The following SPRR2G variants were observed in gnomAD, a reference collection of about 807,000 sequenced individuals.
SPRR2G encodes small proline-rich protein 2G.
A neutral mutation model predicts 0.7 loss-of-function variants in SPRR2G; 1 was observed. That is an observed-to-expected ratio of 1.49 (90% CI 0.53 to 7.06). The LOEUF is 7.06. SPRR2G is among the 30% of genes most tolerant of loss of function. The pLI is 0.14. For missense variants in SPRR2G, 96 were observed against 88.5 expected (o/e 1.09, Z -0.34); for synonymous variants, 38 against 33.9 (o/e 1.12, Z -0.42).
chr1:153,187,105 C>T, the SPRR2G span, among the ~76,000 whole-genome samples: 1 of 152,110 alleles, frequency 6.6e-6, no homozygotes, highest in African/African-American at 2.4e-5. Context: ...GGTAACCTGA[C>T]CTTTCTCTCT....
the SPRR2G span, among the ~76,000 whole-genome samples, chr1:153,166,306 G>T: frequency 6.6e-6 from 1 of 152,188 alleles, no homozygotes; most frequent in African/African-American, 2.4e-5. Context: ...GATTATAGTA[G>T]AGGGGAATGA....
the SPRR2G span, among the ~76,000 whole-genome samples, chr1:153,158,853 A>G: frequency 6.6e-6 from 1 of 152,218 alleles, no homozygotes; most frequent in Admixed American, 6.5e-5. Context: ...GGAAGCTGCC[A>G]AGGTTTCAGA....
the SPRR2G span, among the ~76,000 whole-genome samples, chr1:153,201,129 C>A: frequency 2.0e-5 from 3 of 152,190 alleles, no homozygotes; most frequent in African/African-American, 7.2e-5. Context: ...GCCTAAGAAG[C>A]CTGTTCTGTG....
the SPRR2G span, among the ~76,000 whole-genome samples, chr1:153,171,622 T>C: frequency 1.3e-5 from 2 of 152,182 alleles, no homozygotes; most frequent in South Asian, 4.1e-4. Flanking sequence ...GGCTTGGGTA[T>C]CATGCACCAA....
rs1409502289 is a variant in SPRR2G at position 153,149,990 on chromosome 1, A to G, written c.121T>C (p.Cys41Arg). The change falls in exon 2 of 2, where the codon TGT becomes CGT. Residue 41 changes from cysteine to arginine, a missense_variant. By Grantham distance (180) the Cys-to-Arg change is radical. Transcript: ENST00000368748. ...GGAGGTGGGCAATGCTCAGGTGGAC[A>G]AGGAGGAGGCAGGTAAGGCTCAGGG... ...KCPEPYLPPP[C>R]PPEHCPPPPC... The G allele has an allele frequency of 6.2e-7, 1 of 1,614,036 alleles. No individual in the cohort carries two copies. The highest frequency in any genetic ancestry group is 1.1e-5 in the South Asian group (1 of 91,078).
chr1:153,168,953 T>C, the SPRR2G span, among the ~76,000 whole-genome samples: 2 of 148,402 alleles, frequency 1.3e-5, no homozygotes, highest in African/African-American at 5.0e-5. Flanking sequence ...TTTGGCATGT[T>C]AGATCATCAA....
chr1:153,194,118 C>G, the SPRR2G span, among the ~76,000 whole-genome samples: 1 of 152,074 alleles, frequency 6.6e-6, no homozygotes, highest in East Asian at 1.9e-4. Context: ...GAATTTTACT[C>G]TTTCTGATGT....
the SPRR2G span, among the ~76,000 whole-genome samples, chr1:153,182,862 T>C: frequency 9.2e-5 from 14 of 152,118 alleles, no homozygotes; most frequent in Non-Finnish European, 1.9e-4. Context: ...GCACATGTCT[T>C]TGTAGTAGAA....
the SPRR2G span, among the ~76,000 whole-genome samples, chr1:153,181,005 T>C: frequency 6.6e-6 from 1 of 152,154 alleles, no homozygotes; most frequent in African/African-American, 2.4e-5. Context: ...AACACATGTG[T>C]ATATATGTTC....
At chr1:153,183,411 C>G in the SPRR2G span, among the ~76,000 whole-genome samples, 2 of 151,984 alleles carry the variant, frequency 1.3e-5, no homozygotes, top group Non-Finnish European at 2.9e-5. Flanking sequence ...CATCGCCATT[C>G]TACCTGGAGT....
At chr1:153,168,782 A>G in the SPRR2G span, among the ~76,000 whole-genome samples, 1 of 152,198 alleles carries the variant, frequency 6.6e-6, no homozygotes, top group Admixed American at 6.5e-5. Context: ...AGGAAGATGC[A>G]GATTTGGACA....
the SPRR2G span, among the ~76,000 whole-genome samples, chr1:153,168,160 C>T: frequency 1.3e-5 from 2 of 152,176 alleles, no homozygotes; most frequent in African/African-American, 4.8e-5. Flanking sequence ...AAAGAATAGA[C>T]TCTTCCACCA....
At chr1:153,164,826 A>T in the SPRR2G span, among the ~76,000 whole-genome samples, 1 of 152,200 alleles carries the variant, frequency 6.6e-6, no homozygotes, top group African/African-American at 2.4e-5. Context: ...CAAATGTGGA[A>T]CCCACAGACA....
At chr1:153,162,038 T>C in the SPRR2G span, among the ~76,000 whole-genome samples, 1 of 152,154 alleles carries the variant, frequency 6.6e-6, no homozygotes, top group African/African-American at 2.4e-5. Flanking sequence ...CAAGGGTACA[T>C]GTGCAGGTTT....
the SPRR2G span, chr1:153,176,738 T>C: frequency 3.9e-5 from 6 of 152,180 alleles, no homozygotes; most frequent in Non-Finnish European, 8.8e-5. Flanking sequence ...AGATTTCATA[T>C]AGCCAGTTCT....
chr1:153,182,727 T>G, the SPRR2G span, among the ~76,000 whole-genome samples: 1 of 152,198 alleles, frequency 6.6e-6, no homozygotes, highest in African/African-American at 2.4e-5. Flanking sequence ...GAACTCATTC[T>G]TTTTTATGGC....
At chr1:153,155,333 T>C (rs903174791), upstream of SPRR2G, among the ~76,000 whole-genome samples, 2 of 152,154 alleles carry the variant, frequency 1.3e-5, no homozygotes, top group African/African-American at 4.8e-5. Flanking sequence ...TGTACACCAA[T>C]AATCACCCAG....
chr1:153,174,694 T>C, the SPRR2G span: 1 of 152,210 alleles, frequency 6.6e-6, no homozygotes, highest in Non-Finnish European at 1.5e-5. Flanking sequence ...AATACAAGTC[T>C]GTAAAATAGT....
At chr1:153,150,172 T>C in intron 1 of SPRR2G, 41 bp from the exon 2 acceptor site, 1 of 1,603,894 alleles carries the variant, frequency 6.2e-7, no homozygotes, top group Non-Finnish European at 8.5e-7. Flanking sequence ...AGAGAGACAG[T>C]CCTGTTGGTG....
Sources: allele counts gnomAD v4.1 joint callset (sites outside exome capture counted in the v4.1 genomes callset), GRCh38; gene constraint gnomAD v4.1.1; transcripts MANE v1.5; gene names NCBI Gene and HGNC (gene_info 2026-07-23, HGNC 2026-07-21).